RALYL: variants seen among roughly 807,000 people sequenced by gnomAD.
RALYL encodes RNA-binding Raly-like protein.
A neutral mutation model predicts 35.1 loss-of-function variants in RALYL; 29 were observed. That is an observed-to-expected ratio of 0.83 (90% CI 0.61 to 1.13). The LOEUF is 1.13. Ranked by LOEUF, RALYL falls within the 50% of genes most tolerant of loss-of-function variation. RALYL has a pLI of 0.00. For missense variants in RALYL, 359 were observed against 360.4 expected, an observed-to-expected ratio of 1.00 and a Z score of 0.03; for synonymous variants, 120 against 127.6, an observed-to-expected ratio of 0.94 and a Z score of 0.40.
chr8:84,725,517 G>A (rs1844782247), intron 2 of RALYL, among the ~76,000 whole-genome samples: 1 of 151,700 alleles, frequency 6.6e-6, no homozygotes, highest in South Asian at 2.1e-4. Flanking sequence ...GTGTCCTTTA[G>A]TAGCTGATAC....
At chr8:84,851,934 C>T (rs1289263117) in intron 5 of RALYL, among the ~76,000 whole-genome samples, 1 of 152,192 alleles carries the variant, frequency 6.6e-6, no homozygotes, top group African/African-American at 2.4e-5. Context: ...TTCCTTCCCC[C>T]ACCTGAACAA....
intron 1 of RALYL, among the ~76,000 whole-genome samples, chr8:84,274,632 G>A (rs73688472): frequency 6.0e-4 from 91 of 152,246 alleles, no homozygotes; most frequent in African/African-American, 2.0e-3. Flanking sequence ...GACACCATAA[G>A]AGACTGCTCC....
At chr8:84,747,416 C>T (rs1475333559) in intron 2 of RALYL, among the ~76,000 whole-genome samples, 1 of 151,822 alleles carries the variant, frequency 6.6e-6, no homozygotes, top group African/African-American at 2.4e-5. Flanking sequence ...TCTCCTTTGA[C>T]TAACGTTCAA....
intron 1 of RALYL, among the ~76,000 whole-genome samples, chr8:84,279,221 C>G (rs954258789): frequency 6.6e-6 from 1 of 152,130 alleles, no homozygotes; most frequent in African/African-American, 2.4e-5. Flanking sequence ...GTCCCCATGA[C>G]TCAATTAACA....
chr8:84,634,368 A>G (rs1824575102), intron 2 of RALYL, among the ~76,000 whole-genome samples: 1 of 151,822 alleles, frequency 6.6e-6, no homozygotes, highest in African/African-American at 2.4e-5. Flanking sequence ...ATGAACCACT[A>G]TATTTTCCAT....
intron 2 of RALYL, among the ~76,000 whole-genome samples, chr8:84,752,471 G>A (rs534999810): frequency 7.9e-5 from 12 of 152,164 alleles, no homozygotes; most frequent in Non-Finnish European, 1.3e-4. Flanking sequence ...ATTCAAGCAG[G>A]CTGCAGAAAT....
At chr8:84,854,118 G>A (rs1836459177) in intron 5 of RALYL, among the ~76,000 whole-genome samples, 1 of 152,150 alleles carries the variant, frequency 6.6e-6, no homozygotes, top group Admixed American at 6.5e-5. Context: ...GGCCGAGGCA[G>A]ACGGATCACC....
chr8:84,738,830 T>C (rs937867991), intron 2 of RALYL, among the ~76,000 whole-genome samples: 1 of 152,014 alleles, frequency 6.6e-6, no homozygotes, highest in South Asian at 2.1e-4. Flanking sequence ...CCCGAACCTA[T>C]TGAGTGTTTA....
At chr8:84,841,323 C>G (rs2134591622) in intron 4 of RALYL, among the ~76,000 whole-genome samples, 1 of 152,234 alleles carries the variant, frequency 6.6e-6, no homozygotes, top group African/African-American at 2.4e-5. Context: ...CAATCCTAGT[C>G]TCTGATAAAA....
intron 1 of RALYL, among the ~76,000 whole-genome samples, chr8:84,526,630 A>G (rs2058920824): frequency 6.6e-6 from 1 of 152,196 alleles, no homozygotes; most frequent in Non-Finnish European, 1.5e-5. Context: ...GCAGATTTCT[A>G]GAGTTCTTTG....
intron 2 of RALYL, among the ~76,000 whole-genome samples, chr8:84,710,605 G>C (rs1238935332): frequency 2.0e-5 from 3 of 149,572 alleles, no homozygotes; most frequent in African/African-American, 5.1e-5. Flanking sequence ...CTCGGCCTCA[G>C]TTCATATATT....
At chr8:84,641,709 A>G (rs903089475) in intron 2 of RALYL, among the ~76,000 whole-genome samples, 9 of 151,480 alleles carry the variant, frequency 5.9e-5, no homozygotes, top group African/African-American at 2.2e-4. Flanking sequence ...AAGAAACTTA[A>G]GCACGTGTGT....
At chr8:84,582,418 A>G (rs1811041426) in intron 2 of RALYL, among the ~76,000 whole-genome samples, 1 of 152,100 alleles carries the variant, frequency 6.6e-6, no homozygotes, top group African/African-American at 2.4e-5. Flanking sequence ...ACCATATTGG[A>G]AACGCTCTAT....
intron 8 of RALYL, among the ~76,000 whole-genome samples, chr8:84,912,190 G>T (rs1423668755): frequency 1.3e-5 from 2 of 151,772 alleles, no homozygotes; most frequent in East Asian, 3.9e-4. Flanking sequence ...AGAGCAAAGG[G>T]CTTGTTATGA....
chr8:84,653,227 CT>C (rs935713819), intron 2 of RALYL, among the ~76,000 whole-genome samples: 16 of 152,136 alleles, frequency 1.1e-4, no homozygotes, highest in Non-Finnish European at 1.6e-4. Context: ...TTATATGCCA[CT>C]TTTTAAAAAA....
intron 1 of RALYL, among the ~76,000 whole-genome samples, chr8:84,248,042 A>G (rs16912599): frequency 0.03 from 4,543 of 152,280 alleles, 103 homozygotes; most frequent in East Asian, 0.12. Flanking sequence ...TTTAATCATG[A>G]TAATTACAAC....
chr8:84,725,027 G>T (rs1049260032), intron 2 of RALYL, among the ~76,000 whole-genome samples: 5 of 151,458 alleles, frequency 3.3e-5, no homozygotes, highest in Admixed American at 6.6e-5. Flanking sequence ...ATCATAGTCT[G>T]AATCTTATGG....
At position 84,691,222 on chromosome 8, in the gene RALYL, TGGG is replaced by T. The variant is rs1402667246; in HGVS notation, c.257-83356_257-83354del. Among the ~76,000 whole-genome samples the T allele has an allele frequency of 3.8e-3, 574 of 152,192 alleles. 5 individuals carry two copies. The highest frequency in any genetic ancestry group is 0.013 in the African/African-American group (544 of 41,546). On this transcript the variant is annotated intron_variant, in intron 2 of 8. Transcript: ENST00000521268. Reference sequence around the variant, plus strand: ...TTATATGGGATCTAGAAATGATAAATGGGCTTGTGATGAACTCTCCTGAAGGAA... The same window carrying T: ...TTATATGGGATCTAGAAATGATAAATCTTGTGATGAACTCTCCTGAAGGAA...
At chr8:84,898,249 C>T (rs1476658882) in intron 8 of RALYL, among the ~76,000 whole-genome samples, 1 of 152,174 alleles carries the variant, frequency 6.6e-6, no homozygotes, top group African/African-American at 2.4e-5. Context: ...GACCCCAGTC[C>T]TCTATGTTTT....
Sources: gnomAD v4.1 joint callset for allele counts (sites outside exome capture counted in the v4.1 genomes callset) on GRCh38, gnomAD v4.1.1 for gene constraint, MANE v1.5 for transcripts, NCBI Gene and HGNC (gene_info 2026-07-23, HGNC 2026-07-21) for gene names.